The following DLC1 variants were observed in gnomAD, a reference collection of about 807,000 sequenced individuals.
DLC1 encodes the protein rho GTPase-activating protein 7.
A neutral mutation model predicts 140.3 loss-of-function variants in DLC1; 54 were observed. The observed-to-expected ratio is 0.38, with a 90% confidence interval of 0.31 to 0.48. The LOEUF is 0.48. Ranked by LOEUF, DLC1 falls within the 20% of genes least tolerant of loss-of-function variation. The pLI is 0.96. For missense variants in DLC1, 2,536 were observed against 1,907.0 expected (o/e 1.33, Z -6.14); for synonymous variants, 986 against 728.1 (o/e 1.35, Z -5.70).
At chr8:13,397,869 A>C (rs1275003740) in intron 3 of DLC1, among the ~76,000 whole-genome samples, 1 of 152,010 alleles carries the variant, frequency 6.6e-6, no homozygotes, top group Non-Finnish European at 1.5e-5. Flanking sequence ...GTGGTGGCTC[A>C]CGCCTGTAAT....
chr8:13,206,255 G>A (rs187906879), intron 5 of DLC1, among the ~76,000 whole-genome samples: 7 of 152,214 alleles, frequency 4.6e-5, no homozygotes, highest in Non-Finnish European at 8.8e-5. Context: ...GGAAAACAAC[G>A]TGGTTAGCAG....
At chr8:13,095,512 A>G (rs1818435980) in intron 10 of DLC1, 6 of 456,570 alleles carry the variant, frequency 1.3e-5, no homozygotes, top group Non-Finnish European at 2.4e-5. Context: ...GTTCTCCTGG[A>G]CAGTGCTGTT....
intron 5 of DLC1, among the ~76,000 whole-genome samples, chr8:13,146,381 C>T (rs78148316): frequency 0.011 from 1,694 of 151,466 alleles, 27 homozygotes; most frequent in African/African-American, 0.039. Flanking sequence ...TACTAGTTAC[C>T]CTCTATTGTA....
chr8:13,407,601 C>T (rs1456364467), intron 2 of DLC1, among the ~76,000 whole-genome samples: 2 of 152,118 alleles, frequency 1.3e-5, no homozygotes, highest in African/African-American at 2.4e-5. Flanking sequence ...AAATAGTGGA[C>T]GATTGGTTTG....
At chr8:13,091,017 G>A (rs1356891769) in intron 14 of DLC1, among the ~76,000 whole-genome samples, 4 of 151,354 alleles carry the variant, frequency 2.6e-5, no homozygotes, top group Admixed American at 2.6e-4. Flanking sequence ...CATGTTGCCC[G>A]GGTTGGTCTT....
At chr8:13,577,115 C>T (rs1479215830) in intron 1 of DLC1, among the ~76,000 whole-genome samples, 1 of 152,108 alleles carries the variant, frequency 6.6e-6, no homozygotes, top group African/African-American at 2.4e-5. Context: ...ATTCTTTCTA[C>T]ATTTAAGAAC....
chr8:13,510,718 G>T (rs941333690), intron 1 of DLC1, among the ~76,000 whole-genome samples: 3 of 152,070 alleles, frequency 2.0e-5, no homozygotes, highest in Non-Finnish European at 4.4e-5. Context: ...ATTCACTAGT[G>T]CTCTGTTCTC....
intron 5 of DLC1, among the ~76,000 whole-genome samples, chr8:13,141,388 A>G (rs1483881640): frequency 2.0e-5 from 3 of 152,130 alleles, no homozygotes; most frequent in Admixed American, 6.6e-5. Context: ...GTGCAGATAT[A>G]TATCCATTAA....
chr8:13,378,525 G>GA (rs966759621), intron 4 of DLC1, among the ~76,000 whole-genome samples: 2 of 151,784 alleles, frequency 1.3e-5, no homozygotes, highest in African/African-American at 4.8e-5. Flanking sequence ...AAAATGCAAT[G>GA]AAAAAAACCT....
intron 2 of DLC1, among the ~76,000 whole-genome samples, chr8:13,422,012 C>T (rs1457466583): frequency 6.6e-6 from 1 of 152,042 alleles, no homozygotes; most frequent in Non-Finnish European, 1.5e-5. Context: ...TTGACTTGTA[C>T]CTATTTCCCA....
intron 2 of DLC1, among the ~76,000 whole-genome samples, chr8:13,454,090 G>C (rs1245460758): frequency 1.3e-5 from 2 of 152,106 alleles, no homozygotes; most frequent in Non-Finnish European, 2.9e-5. Context: ...AAAAGAAAAA[G>C]AGTGTAGTTA....
chr8:13,577,306 A>C (rs1239908622), intron 1 of DLC1, among the ~76,000 whole-genome samples: 2 of 152,200 alleles, frequency 1.3e-5, no homozygotes, highest in Admixed American at 6.5e-5. Flanking sequence ...CCTATTTTAC[A>C]TGACAAGGAC....
chr8:13,400,564 A>T (rs1455102078), intron 3 of DLC1, among the ~76,000 whole-genome samples: 1 of 152,202 alleles, frequency 6.6e-6, no homozygotes, highest in African/African-American at 2.4e-5. Context: ...TATAAAACCC[A>T]GTTTACAATT....
intron 2 of DLC1, among the ~76,000 whole-genome samples, chr8:13,472,421 T>C (rs1008584221): frequency 2.0e-5 from 3 of 152,252 alleles, no homozygotes; most frequent in African/African-American, 7.2e-5. Context: ...TAGTTTTCTA[T>C]AACTTACTCC....
intron 1 of DLC1, among the ~76,000 whole-genome samples, chr8:13,579,613 T>G (rs1805006086): frequency 7.3e-6 from 1 of 136,166 alleles, no homozygotes; most frequent in South Asian, 2.1e-4. Context: ...ATATTATATT[T>G]TATATTATAT....
chr8:13,095,756 C>T (rs1456346784), intron 10 of DLC1: 1 of 157,066 alleles, frequency 6.4e-6, no homozygotes, highest in Non-Finnish European at 1.4e-5. Flanking sequence ...GTAAGAATCA[C>T]TTCTGAGTTC....
At chr8:13,246,852 A>C (rs1459020669) in intron 5 of DLC1, among the ~76,000 whole-genome samples, 1 of 152,202 alleles carries the variant, frequency 6.6e-6, no homozygotes, top group Non-Finnish European at 1.5e-5. Flanking sequence ...TGAATAAAGC[A>C]GTATCATAAG....
chr8:13,165,983 A>G (rs113537734), intron 5 of DLC1, among the ~76,000 whole-genome samples: 1,830 of 152,218 alleles, frequency 0.012, 35 homozygotes, highest in African/African-American at 0.039. Context: ...CTATGTCACT[A>G]TTTCCACCAC....
At chr8:13,384,781 C>G (rs1052001653) in intron 4 of DLC1, among the ~76,000 whole-genome samples, 4 of 152,086 alleles carry the variant, frequency 2.6e-5, no homozygotes, top group African/African-American at 4.8e-5. Flanking sequence ...TTCTTATTGT[C>G]TGTCCAGTCC....
Sources: allele counts gnomAD v4.1 joint callset (sites outside exome capture counted in the v4.1 genomes callset), GRCh38; gene constraint gnomAD v4.1.1; transcripts MANE v1.5; gene names NCBI Gene and HGNC (gene_info 2026-07-23, HGNC 2026-07-21).